The following NEBL variants were observed in gnomAD, a reference collection of about 807,000 sequenced individuals.
NEBL encodes LIM and SH3 protein 2.
Under a neutral mutation model 140.2 loss-of-function variants are expected in NEBL, and 122 were observed. The observed-to-expected ratio is 0.87, with a 90% CI of 0.75 to 1.01. The LOEUF (loss-of-function observed/expected upper bound fraction) is 1.01, where lower values mean the gene tolerates loss of function less well. Among genes scored for constraint, NEBL ranks in the 50% least tolerant of loss-of-function variants. The probability of loss-of-function intolerance (pLI) is 0.00; values close to 1 mark genes in which losing one functional copy is unlikely to be tolerated. For synonymous variants in NEBL, 436 were observed against 398.9 expected, an observed-to-expected ratio of 1.09 and a Z score of -1.11; for missense variants, 1,365 against 1,231.3, an observed-to-expected ratio of 1.11 and a Z score of -1.62.
intron 2 of NEBL, among the ~76,000 whole-genome samples, chr10:21,105,104 T>C (rs1837649596): frequency 6.6e-6 from 1 of 152,188 alleles, no homozygotes; most frequent in Non-Finnish European, 1.5e-5. Flanking sequence ...TTTTTACATA[T>C]TGTTGAATTT....
At chr10:20,947,122 G>T (rs987430767) in intron 4 of NEBL, among the ~76,000 whole-genome samples, 1 of 152,212 alleles carries the variant, frequency 6.6e-6, no homozygotes, top group Admixed American at 6.5e-5. Context: ...AATACACCTT[G>T]AAAGTCTGTT....
intron 3 of NEBL, among the ~76,000 whole-genome samples, chr10:20,992,931 C>T (rs1056721289): frequency 1.3e-5 from 2 of 151,650 alleles, no homozygotes; most frequent in African/African-American, 2.4e-5. Flanking sequence ...GCGCCCGCCA[C>T]CACACCCGGC....
intron 4 of NEBL, among the ~76,000 whole-genome samples, chr10:20,926,835 A>T (rs1833938019): frequency 6.6e-6 from 1 of 152,228 alleles, no homozygotes; most frequent in African/African-American, 2.4e-5. Flanking sequence ...ATCGGTTTCA[A>T]TTTCTGAAAA....
At chr10:20,849,601 CT>C (rs2131044769) in intron 11 of NEBL, among the ~76,000 whole-genome samples, 1 of 152,280 alleles carries the variant, frequency 6.6e-6, no homozygotes, top group Admixed American at 6.5e-5. Flanking sequence ...CACTCTCTGT[CT>C]TTCCACCTTC....
At chr10:21,113,604 T>C (rs1196655813) in intron 2 of NEBL, among the ~76,000 whole-genome samples, 1 of 152,154 alleles carries the variant, frequency 6.6e-6, no homozygotes, top group South Asian at 2.1e-4. Flanking sequence ...AGAACTTTCC[T>C]TACCATGTTT....
intron 14 of NEBL, among the ~76,000 whole-genome samples, chr10:20,834,987 G>A (rs187345806): frequency 3.9e-5 from 6 of 152,264 alleles, no homozygotes; most frequent in Middle Eastern, 6.8e-3. Flanking sequence ...GAACATGGTC[G>A]TTCAGGTTAT....
In NEBL at chr10:21,093,150, C is replaced by CTTTTTTTTTTTTTTTTT. The variant is rs4025884; in HGVS notation, c.165-72950_165-72949insAAAAAAAAAAAAAAAAA. On this transcript the variant is annotated intron_variant, in intron 2 of 6. Transcript: ENST00000417816. ...TACTTTTATTCATTTAGCAACAAGT[C>CTTTTTTTTTTTTTTTTT]TTTTTTTTTTTTTTTCCATTTTAGC... is the stretch of plus-strand genomic sequence containing the variant. Among the ~76,000 whole-genome samples, 50 of 95,028 alleles carry CTTTTTTTTTTTTTTTTT rather than the reference C, an allele frequency of 5.3e-4. 6 individuals carry two copies. Among genetic ancestry groups the CTTTTTTTTTTTTTTTTT allele is most frequent in the African/African-American group, 2.0e-3 (46 of 23,310 alleles). 62.3% of individuals were successfully genotyped at this position (95,028 alleles called of 152,430 possible).
At chr10:20,828,982 A>G (rs1314121271) in intron 16 of NEBL, among the ~76,000 whole-genome samples, 1 of 152,152 alleles carries the variant, frequency 6.6e-6, no homozygotes, top group African/African-American at 2.4e-5. Context: ...AACCCAGGCA[A>G]TATCTTATCC....
chr10:20,820,922 T>G (rs565403040), intron 19 of NEBL, among the ~76,000 whole-genome samples: 99 of 152,120 alleles, frequency 6.5e-4, no homozygotes, highest in African/African-American at 2.3e-3. Context: ...GAAGGGAAGT[T>G]GAATAAGTTT....
chr10:21,255,874 C>T (rs1344615701), intron 1 of NEBL, among the ~76,000 whole-genome samples: 1 of 150,966 alleles, frequency 6.6e-6, no homozygotes, highest in Non-Finnish European at 1.5e-5. Flanking sequence ...CCCAGCTACT[C>T]GGGAGGCTGA....
intron 4 of NEBL, among the ~76,000 whole-genome samples, chr10:20,918,304 G>A (rs1833406458): frequency 6.6e-6 from 1 of 152,136 alleles, no homozygotes. Context: ...ATTGCAGTGA[G>A]CTGAGATTGA....
chr10:20,835,757 G>A (rs1840829832), intron 13 of NEBL, 134 bp from the exon 14 acceptor site: 2 of 716,474 alleles, frequency 2.8e-6, no homozygotes, highest in South Asian at 2.9e-5. Flanking sequence ...TACTATGAAT[G>A]ATCACTCACA....
At chr10:21,278,053 C>G (rs1375245172) in intron 1 of NEBL, among the ~76,000 whole-genome samples, 1 of 152,206 alleles carries the variant, frequency 6.6e-6, no homozygotes, top group Non-Finnish European at 1.5e-5. Context: ...ACTATTACTA[C>G]TAACAACATG....
chr10:20,941,272 C>T (rs2131567246), intron 4 of NEBL, among the ~76,000 whole-genome samples: 1 of 152,308 alleles, frequency 6.6e-6, no homozygotes, highest in South Asian at 2.1e-4. Context: ...GGATGCAAGG[C>T]CGGTTCAACA....
intron 5 of NEBL, among the ~76,000 whole-genome samples, chr10:20,877,965 G>A (rs773369545): frequency 4.6e-5 from 7 of 152,092 alleles, no homozygotes; most frequent in Non-Finnish European, 7.4e-5. Context: ...GTGTGTGTCC[G>A]TGTCCTTAAT....
intron 2 of NEBL, among the ~76,000 whole-genome samples, chr10:20,891,423 G>T (rs1444655557): frequency 3.3e-5 from 5 of 152,272 alleles, no homozygotes; most frequent in Non-Finnish European, 7.4e-5. Flanking sequence ...GGAGAAAAAA[G>T]TATCTCCGTT....
chr10:21,213,048 C>A (rs2132236988), intron 3 of NEBL, among the ~76,000 whole-genome samples: 1 of 152,146 alleles, frequency 6.6e-6, no homozygotes, highest in Non-Finnish European at 1.5e-5. Context: ...GAGTGCTCAC[C>A]ATGTGCCAGG....
In NEBL at chr10:20,981,272, G is replaced by A. The variant is rs184179418; in HGVS notation, c.250-19493C>T. Among the ~76,000 whole-genome samples, 236 of 150,160 alleles carry A rather than the reference G, an allele frequency of 1.6e-3. 1 individual carries two copies. Among genetic ancestry groups the A allele is most frequent in the Middle Eastern group, 3.4e-3 (1 of 290 alleles). On this transcript the variant is annotated intron_variant, in intron 3 of 6. Transcript: ENST00000417816. ...GTCCTGCTGGAGGCACAGTCTACCC[G>A]AAATGGCTTCAAACACTAATACAGG...
intron 5 of NEBL, among the ~76,000 whole-genome samples, chr10:20,879,578 T>C (rs753070181): frequency 6.6e-6 from 1 of 152,154 alleles, no homozygotes; most frequent in Non-Finnish European, 1.5e-5. Context: ...CAGTTGCCGT[T>C]CTGCGGAAAA....
Sources: allele counts gnomAD v4.1 joint callset (sites outside exome capture counted in the v4.1 genomes callset), GRCh38; gene constraint gnomAD v4.1.1; transcripts MANE v1.5; gene names NCBI Gene and HGNC (gene_info 2026-07-23, HGNC 2026-07-21).